SLCO3A1: variants seen among roughly 807,000 people sequenced by gnomAD.
The protein encoded by SLCO3A1 is PGE1 transporter.
SLCO3A1 carries 27 observed loss-of-function variants against 63.1 expected under a neutral mutation model. That is an observed-to-expected ratio of 0.43 (90% CI 0.32 to 0.59). The LOEUF is 0.59. SLCO3A1 is among the 20% of genes least tolerant of loss of function. SLCO3A1 has a pLI of 0.09. For missense variants in SLCO3A1, 773 were observed against 945.8 expected, an observed-to-expected ratio of 0.82 and a Z score of 2.40; for synonymous variants, 473 against 409.9, an observed-to-expected ratio of 1.15 and a Z score of -1.86.
chr15:92,136,735 G>A (rs774979913), intron 7 of SLCO3A1, among the ~76,000 whole-genome samples: 118 of 152,214 alleles, frequency 7.8e-4, no homozygotes, highest in Middle Eastern at 6.8e-3. Flanking sequence ...ACCTGTGTCC[G>A]CTATTTACTT....
In SLCO3A1 at chr15:91,941,916, G is replaced by A. The variant is rs1899635874; in HGVS notation, c.646+25458G>A. ...GCTGGTCTTAGGAGGGCAGCTCTCAGGCTACAAATGGGGGCTTGCACCAGC... is the reference window on the plus strand; with the variant it reads ...GCTGGTCTTAGGAGGGCAGCTCTCAAGCTACAAATGGGGGCTTGCACCAGC... On this transcript the variant is annotated intron_variant, in intron 2 of 9. Transcript: ENST00000318445. This position sits in a 1 kb window ranked among gnomAD's most constrained non-coding sequence, Gnocchi z 4.4. 6.6e-6 allele frequency among the ~76,000 whole-genome samples: 1 copy of A among 152,194 alleles called. No homozygotes were observed. Among genetic ancestry groups the A allele is most frequent in the African/African-American group, 2.4e-5 (1 of 41,442 alleles).
chr15:92,127,699 G>A (rs746195041), intron 6 of SLCO3A1, among the ~76,000 whole-genome samples: 1 of 152,124 alleles, frequency 6.6e-6, no homozygotes, highest in Non-Finnish European at 1.5e-5. Flanking sequence ...GCTTGCTCTA[G>A]ATAACTTTGC....
chr15:91,886,585 G>T lies in SLCO3A1; in HGVS notation c.181-29408G>T, dbSNP rs1041677492. Among the ~76,000 whole-genome samples, 4 of 152,076 alleles carry T rather than the reference G, an allele frequency of 2.6e-5. No individual in the cohort carries two copies. Among genetic ancestry groups the T allele is most frequent in the African/African-American group, 9.7e-5 (4 of 41,394 alleles). ...GCCTCAGCGTCAGTGTTGTTTCTAC[G>T]GTGTGACCATATTTGATGTGCTTAC... On this transcript the variant is annotated intron_variant, in intron 1 of 9. Coordinates refer to ENST00000318445, the MANE Select transcript of SLCO3A1 (RefSeq NM_013272.4). The surrounding 1 kb of genome is among the most constrained non-coding windows in gnomAD (Gnocchi z 4.9).
intron 9 of SLCO3A1, among the ~76,000 whole-genome samples, chr15:92,155,737 C>A (rs1406453406): frequency 6.6e-6 from 1 of 152,118 alleles, no homozygotes; most frequent in Non-Finnish European, 1.5e-5. Flanking sequence ...ATCCCCCCAA[C>A]CCAACCGACC....
chr15:92,149,928 A>G (rs1330269147), intron 8 of SLCO3A1: 1 of 152,180 alleles, frequency 6.6e-6, no homozygotes, highest in Non-Finnish European at 1.5e-5. Flanking sequence ...GGAGACATGG[A>G]GCTGATAATA....
At chr15:91,947,749 G>T (rs987914849) in intron 2 of SLCO3A1, among the ~76,000 whole-genome samples, 1 of 152,200 alleles carries the variant, frequency 6.6e-6, no homozygotes, top group African/African-American at 2.4e-5. Flanking sequence ...GCTAGACGGG[G>T]CAGGTTGCTC....
chr15:92,008,926 ACT>A (rs1271330700), intron 2 of SLCO3A1, among the ~76,000 whole-genome samples: 1 of 151,764 alleles, frequency 6.6e-6, no homozygotes, highest in Non-Finnish European at 1.5e-5. Context: ...CAGCTAGGAA[ACT>A]CTATTTGAAG....
At chr15:91,889,033 C>CAAA in intron 1 of SLCO3A1, 17 of 510,188 alleles carry the variant, frequency 3.3e-5, no homozygotes, top group Admixed American at 1.1e-4. Context: ...AAAGAAAAAC[C>CAAA]AAAAAAAAAA....
chr15:92,044,102 C>T (rs1015864042), intron 2 of SLCO3A1, among the ~76,000 whole-genome samples: 1 of 152,166 alleles, frequency 6.6e-6, no homozygotes, highest in South Asian at 2.1e-4. Flanking sequence ...TATACGAATT[C>T]TTAGGATCTA....
intron 2 of SLCO3A1, among the ~76,000 whole-genome samples, chr15:92,079,931 C>T (rs954554318): frequency 1.8e-4 from 27 of 152,372 alleles, no homozygotes; most frequent in African/African-American, 6.5e-4. Context: ...TCTGGGAGGA[C>T]CCCACTGGGC....
At position 92,118,327 on chromosome 15, in the gene SLCO3A1, C is replaced by T. The variant is rs1317675787; in HGVS notation, c.1010-2138C>T. ...GGTTATAACACAGGATTCGGTTGCT[C>T]AGGCTTTGCCAATTCCAAGCTTTTG... On this transcript the variant is annotated intron_variant, in intron 4 of 9. Coordinates refer to ENST00000318445, the MANE Select transcript of SLCO3A1 (RefSeq NM_013272.4). 5.3e-5 allele frequency among the ~76,000 whole-genome samples: 8 copies of T among 152,332 alleles called. No homozygotes were observed. In the East Asian group the frequency reaches 7.7e-4, roughly 15 times the overall value.
intron 1 of SLCO3A1, among the ~76,000 whole-genome samples, chr15:91,901,340 T>C (rs147001463): frequency 2.8e-4 from 42 of 152,362 alleles, no homozygotes; most frequent in Non-Finnish European, 5.0e-4. Context: ...GTTATGGTTC[T>C]ATGCAATCTA....
At chr15:92,002,697 G>T (rs1261467018) in intron 2 of SLCO3A1, among the ~76,000 whole-genome samples, 1 of 152,106 alleles carries the variant, frequency 6.6e-6, no homozygotes, top group Non-Finnish European at 1.5e-5. Flanking sequence ...CTCAGGAAGG[G>T]CCTGCGATGG....
intron 1 of SLCO3A1, among the ~76,000 whole-genome samples, chr15:91,888,938 G>A (rs1316394866): frequency 6.6e-6 from 1 of 151,034 alleles, no homozygotes; most frequent in Non-Finnish European, 1.5e-5. Context: ...GAGCCCAGGA[G>A]CATAAGGTTT....
chr15:92,162,979 C>CG lies in SLCO3A1; in HGVS notation c.1978dup (p.Glu660GlyfsTer8), dbSNP rs1567156690. ...ACTATAAACGCTACATCAAAAACCA[C>CG]GAGGGCGGGCTGAGCACCAGTGAGT... On this transcript the variant is annotated frameshift_variant, in exon 10 of 10. Transcript: ENST00000318445. LOFTEE classifies it high-confidence loss of function. 1 of 1,613,820 alleles carries CG rather than the reference C, an allele frequency of 6.2e-7. No individual in the cohort carries two copies. Among genetic ancestry groups the CG allele is most frequent in the Non-Finnish European group, 8.5e-7 (1 of 1,179,904 alleles).
intron 2 of SLCO3A1, among the ~76,000 whole-genome samples, chr15:92,058,200 G>A (rs571842360): frequency 1.7e-4 from 26 of 152,170 alleles, no homozygotes; most frequent in Middle Eastern, 3.4e-3. Context: ...CGCCTGATCC[G>A]TGTAGCATCT....
downstream of SLCO3A1, among the ~76,000 whole-genome samples, chr15:92,170,335 A>C (rs1302713972): frequency 1.3e-5 from 2 of 152,150 alleles, no homozygotes; most frequent in African/African-American, 4.8e-5. Context: ...GTTTTTATTA[A>C]GCACCTGCTA....
chr15:92,053,854 G>C (rs921670617), intron 2 of SLCO3A1, among the ~76,000 whole-genome samples: 2 of 152,006 alleles, frequency 1.3e-5, no homozygotes, highest in Non-Finnish European at 2.9e-5. Flanking sequence ...TGTTTGTCAG[G>C]TTTCTCCATT....
rs563755852 is a variant in SLCO3A1 at position 92,063,168 on chromosome 15, G to C, written c.647-31713G>C. Reference sequence around the variant, plus strand: ...CCAGATACGCTCTGATGTTTTACCAGGGTTCATTTTGAGAACATGGTCATG... The same window carrying C: ...CCAGATACGCTCTGATGTTTTACCACGGTTCATTTTGAGAACATGGTCATG... On this transcript the variant is annotated intron_variant, in intron 2 of 9. Coordinates refer to ENST00000318445, the MANE Select transcript of SLCO3A1 (RefSeq NM_013272.4). Among the ~76,000 whole-genome samples the C allele has an allele frequency of 5.9e-5, 9 of 152,336 alleles. No homozygotes were observed. The South Asian group carries it at 1.9e-3, about 32-fold the overall frequency.
Sources: gnomAD v4.1 joint callset for allele counts (sites outside exome capture counted in the v4.1 genomes callset) on GRCh38, gnomAD v4.1.1 for gene constraint, Gnocchi (gnomAD v3.1) non-coding constraint, MANE v1.5 for transcripts, NCBI Gene and HGNC (gene_info 2026-07-23, HGNC 2026-07-21) for gene names.